Variants in SLC19A3 observed in about 807,000 individuals in gnomAD.
The protein encoded by SLC19A3 is thiamine transporter 2.
A neutral mutation model predicts 40.2 loss-of-function variants in SLC19A3; 31 were observed. The observed-to-expected ratio is 0.77, with a 90% confidence interval of 0.58 to 1.04. The LOEUF (loss-of-function observed/expected upper bound fraction) is 1.04. Ranked by LOEUF, SLC19A3 falls within the 50% of genes least tolerant of loss-of-function variation. The pLI is 0.00. For missense variants in SLC19A3, 592 were observed against 596.7 expected (o/e 0.99, Z 0.08); for synonymous variants, 212 against 227.5 (o/e 0.93, Z 0.61).
intron 1 of SLC19A3, among the ~76,000 whole-genome samples, chr2:227,709,417 G>A (rs1696062093): frequency 1.3e-5 from 2 of 152,186 alleles, no homozygotes; most frequent in South Asian, 4.1e-4. Flanking sequence ...CCTGGGAAGT[G>A]GAGGTTGCAA....
At chr2:227,692,443 GGA>G (rs1695268631) in intron 4 of SLC19A3, among the ~76,000 whole-genome samples, 2 of 152,186 alleles carry the variant, frequency 1.3e-5, no homozygotes, top group South Asian at 4.1e-4. Flanking sequence ...ACAGAATGAA[GGA>G]CAAAAACTAT....
At chr2:227,716,150 T>G (rs1057420594) in intron 1 of SLC19A3, among the ~76,000 whole-genome samples, 9 of 152,162 alleles carry the variant, frequency 5.9e-5, no homozygotes, top group African/African-American at 2.2e-4. Context: ...TCTGTAAATT[T>G]TAACAACTGA....
intron 1 of SLC19A3, among the ~76,000 whole-genome samples, chr2:227,705,714 C>T (rs967607641): frequency 1.7e-4 from 26 of 150,770 alleles, no homozygotes; most frequent in African/African-American, 6.0e-4. Context: ...TCGGGTCTGT[C>T]GGGGAAATGG....
chr2:227,685,595 T>A lies in SLC19A3; in HGVS notation c.*1802A>T, dbSNP rs1159318457. 1 of 152,182 alleles carries A rather than the reference T, an allele frequency of 6.6e-6. No homozygotes were observed. The highest frequency in any genetic ancestry group is 1.9e-4 in the East Asian group (1 of 5,192). The allele number at this position is 152,182 out of a possible 1,614,324, so 9.4% of individuals were successfully genotyped here. A position where few individuals can be genotyped will look rare whatever the true frequency, so the allele number is the denominator to read the frequency against. ...CAATTAAAAATTTTTTTGTTTGTTT[T>A]AGACACAGGGTCTTGCTATATTGGC... On this transcript the variant is annotated 3_prime_UTR_variant, in exon 6 of 6. Coordinates refer to ENST00000644224, the MANE Select transcript of SLC19A3 (RefSeq NM_025243.4).
chr2:227,706,772 A>G (rs1272986310), intron 1 of SLC19A3: 1 of 153,806 alleles, frequency 6.5e-6, no homozygotes, highest in East Asian at 1.9e-4. Flanking sequence ...CTGTGTTAAT[A>G]ACAACAACAA....
At position 227,715,922 on chromosome 2, in the gene SLC19A3, G is replaced by A. The variant is rs546889206; in HGVS notation, c.-3+2021C>T. On this transcript the variant is annotated intron_variant, in intron 1 of 5. Coordinates refer to ENST00000644224, the MANE Select transcript of SLC19A3 (RefSeq NM_025243.4). ...CCGAGATCCCAGCCACTGCACTCCA[G>A]CCTGGGCAACAAGAGCGAGACTCCG... is the stretch of plus-strand genomic sequence containing the variant. Among the ~76,000 whole-genome samples the A allele has an allele frequency of 9.6e-5, 12 of 124,544 alleles. No individual in the cohort carries two copies. In the South Asian group the frequency reaches 3.1e-3, roughly 32 times the overall value. The allele number at this position is 124,544 out of a possible 152,430, so 81.7% of individuals were successfully genotyped here.
rs1181286248 is a variant in SLC19A3, at chr2:227,714,989, T to TG, written c.-3+2953_-3+2954insC. Among the ~76,000 whole-genome samples, 5 of 151,786 alleles carry TG rather than the reference T, an allele frequency of 3.3e-5. No homozygotes were observed. The South Asian group carries it at 1.0e-3, about 32-fold the overall frequency. Reference sequence around the variant, plus strand: ...CACCCGCCACCAGGCCTGGCTAATTTTTGTATTTTTAGTAGAGACAGGGTT... The same window carrying TG: ...CACCCGCCACCAGGCCTGGCTAATTTGTTGTATTTTTAGTAGAGACAGGGTT... On this transcript the variant is annotated intron_variant, in intron 1 of 5. Transcript: ENST00000644224.
intron 2 of SLC19A3, chr2:227,701,302 G>C (rs774520842): frequency 4.0e-6 from 1 of 250,692 alleles, no homozygotes; most frequent in Non-Finnish European, 8.0e-6. Flanking sequence ...AGTTAGGTCA[G>C]TGCATTTTCT....
At chr2:227,693,121 TC>T (rs1695294848) in intron 4 of SLC19A3, among the ~76,000 whole-genome samples, 2 of 152,098 alleles carry the variant, frequency 1.3e-5, no homozygotes, top group South Asian at 4.1e-4. Context: ...GCCCATACTA[TC>T]CAAAGCAATT....
rs559173152 is a variant in SLC19A3, at chr2:227,703,389, C to T, written c.-2-1069G>A. 6.6e-6 allele frequency among the ~76,000 whole-genome samples: 1 copy of T among 152,224 alleles called. No individual in the cohort carries two copies. Among genetic ancestry groups the T allele is most frequent in the Non-Finnish European group, 1.5e-5 (1 of 68,028 alleles). On this transcript the variant is annotated intron_variant, in intron 1 of 5. Coordinates refer to ENST00000644224, the MANE Select transcript of SLC19A3 (RefSeq NM_025243.4). This position sits in a 1 kb window ranked among gnomAD's most constrained non-coding sequence, Gnocchi z 4.7. ...TACTAGGTCACATCATTGCGGCTTG[C>T]CACTCACCCTACCCTTTCCCAAGGT...
intron 1 of SLC19A3, among the ~76,000 whole-genome samples, chr2:227,709,486 A>C (rs796844530): frequency 1.4e-4 from 22 of 152,292 alleles, no homozygotes; most frequent in African/African-American, 4.8e-4. Context: ...TCTGTCCCAA[A>C]AACAACAACA....
chr2:227,710,436 C>T (rs913024506), intron 1 of SLC19A3, among the ~76,000 whole-genome samples: 8 of 152,138 alleles, frequency 5.3e-5, no homozygotes, highest in African/African-American at 1.9e-4. Context: ...TGGCTTACAC[C>T]TGTAATCCCA....
rs115638326 is a variant in SLC19A3, at chr2:227,697,715, T to C, written c.979+1021A>G. On this transcript the variant is annotated intron_variant, in intron 3 of 5. Coordinates refer to ENST00000644224, the MANE Select transcript of SLC19A3 (RefSeq NM_025243.4). ...GGCATGTTATTAACCTTTGTGCTAA[T>C]GATGAATTGGAATCTTAGGGATTCA... Among the ~76,000 whole-genome samples the C allele has an allele frequency of 8.7e-3, 1,319 of 152,344 alleles. 21 individuals carry two copies. Among genetic ancestry groups the C allele is most frequent in the African/African-American group, 0.03 (1,246 of 41,576 alleles).
At chr2:227,695,506 G>C (rs112181817) in intron 4 of SLC19A3, 6,457 of 228,932 alleles carry the variant, frequency 0.028, 429 homozygotes, top group African/African-American at 0.14. Flanking sequence ...GGAGGTTGAG[G>C]TTGGGGACTC....
At chr2:227,702,439 G>A in intron 1 of SLC19A3, 119 bp from the exon 2 acceptor site, 1 of 1,018,400 alleles carries the variant, frequency 9.8e-7, no homozygotes, top group Non-Finnish European at 1.5e-6. Context: ...TGTTGTCCAG[G>A]CTGAAGTGCA....
At chr2:227,692,133 C>T (rs563154034) in intron 4 of SLC19A3, among the ~76,000 whole-genome samples, 3 of 152,184 alleles carry the variant, frequency 2.0e-5, no homozygotes, top group Admixed American at 1.3e-4. Flanking sequence ...CTGCTGAATT[C>T]TATCAAAGAA....
intron 1 of SLC19A3, among the ~76,000 whole-genome samples, chr2:227,713,047 T>C (rs551753798): frequency 2.4e-4 from 37 of 152,280 alleles, no homozygotes; most frequent in African/African-American, 7.9e-4. Context: ...ATAATATACA[T>C]TTTCTTATTT....
intron 5 of SLC19A3, 47 bp from the exon 6 acceptor site, chr2:227,687,620 T>C (rs753978580): frequency 2.5e-6 from 4 of 1,589,596 alleles, no homozygotes; most frequent in Non-Finnish European, 3.4e-6. Context: ...TGACCATCTA[T>C]GTCAATGATA....
At chr2:227,711,105 C>G (rs897525144) in intron 1 of SLC19A3, among the ~76,000 whole-genome samples, 17 of 152,304 alleles carry the variant, frequency 1.1e-4, no homozygotes, top group African/African-American at 4.1e-4. Flanking sequence ...TAACCACCGT[C>G]GTTCTGCTGC....
Sources: gnomAD v4.1 joint callset for allele counts (sites outside exome capture counted in the v4.1 genomes callset) on GRCh38, gnomAD v4.1.1 for gene constraint, Gnocchi (gnomAD v3.1) non-coding constraint, MANE v1.5 for transcripts, NCBI Gene and HGNC (gene_info 2026-07-23, HGNC 2026-07-21) for gene names.